The following CACUL1 variants were observed in gnomAD, a reference collection of about 807,000 sequenced individuals.
CACUL1 encodes CDK2-associated and cullin domain-containing protein 1.
CACUL1 carries 13 observed loss-of-function variants against 45.2 expected under a neutral mutation model. That is an observed-to-expected ratio of 0.29 (90% CI 0.19 to 0.46). CACUL1 has a LOEUF of 0.46. CACUL1 is among the 20% of genes least tolerant of loss of function. The probability of loss-of-function intolerance (pLI) is 1.00; values close to 1 mark genes in which losing one functional copy is unlikely to be tolerated. For synonymous variants in CACUL1, 197 were observed against 174.2 expected (o/e 1.13, Z -1.03); for missense variants, 421 against 471.4 (o/e 0.89, Z 0.99).
chr10:118,730,703 T>C (rs1012642160), intron 1 of CACUL1, among the ~76,000 whole-genome samples: 2 of 152,360 alleles, frequency 1.3e-5, no homozygotes, highest in South Asian at 4.1e-4. Flanking sequence ...TGTAAGCTTC[T>C]GTCATTAGTG....
chr10:118,743,218 G>A (rs912313285), intron 1 of CACUL1, among the ~76,000 whole-genome samples: 1 of 151,876 alleles, frequency 6.6e-6, no homozygotes, highest in Non-Finnish European at 1.5e-5. Flanking sequence ...TTAAAAAAAT[G>A]AACAGAACCT....
rs1203223304 is a variant in CACUL1, at chr10:118,684,847, A to G, written c.*1281T>C. 1.3e-5 allele frequency: 2 copies of G among 152,206 alleles called. No individual in the cohort carries two copies. Among genetic ancestry groups the G allele is most frequent in the South Asian group, 2.1e-4 (1 of 4,838 alleles). 9.4% of individuals were successfully genotyped at this position (152,206 alleles called of 1,614,324 possible). A position where few individuals can be genotyped will look rare whatever the true frequency, so the allele number is the denominator to read the frequency against. On this transcript the variant is annotated 3_prime_UTR_variant, in exon 9 of 9. Transcript: ENST00000369151. ...TGCCTAGTAGAGAAGCCTATGCTCA[A>G]TTAAGATTCAAGCAAAATTGAGAAG...
Position 118,754,444 on chromosome 10 carries a change from GGGCGGGGGCCGCCTTGGCCAC to G in CACUL1, c.298_318del (p.Val100_Ala106del). The G allele has an allele frequency of 1.3e-6, 2 of 1,576,940 alleles. No individual in the cohort carries two copies. The highest frequency in any genetic ancestry group is 1.7e-6 in the Non-Finnish European group (2 of 1,161,884). Reference sequence around the variant, plus strand: ...ATGTTGATGGTGGAGCTGGCGGTGGGGGCGGGGGCCGCCTTGGCCACGGCGGCGGCCGCGTCGCAGCTCTTC... The same window carrying G: ...ATGTTGATGGTGGAGCTGGCGGTGGGGGCGGCGGCCGCGTCGCAGCTCTTC... On this transcript the variant is annotated inframe_deletion, in exon 1 of 9. Coordinates refer to ENST00000369151, the MANE Select transcript of CACUL1 (RefSeq NM_153810.5).
At chr10:118,719,827 A>G (rs191571749) in intron 3 of CACUL1, among the ~76,000 whole-genome samples, 125 of 152,142 alleles carry the variant, frequency 8.2e-4, no homozygotes, top group African/African-American at 2.6e-3. Context: ...AAAAAAAAGG[A>G]ATTTCTTTCC....
At chr10:118,716,088 C>T (rs557496981) in intron 3 of CACUL1, among the ~76,000 whole-genome samples, 4 of 151,934 alleles carry the variant, frequency 2.6e-5, no homozygotes, top group South Asian at 2.1e-4. Flanking sequence ...AAAAATTAGC[C>T]GGGCGTGGTG....
intron 6 of CACUL1, chr10:118,693,690 C>G: frequency 2.2e-6 from 1 of 455,404 alleles, no homozygotes; most frequent in Non-Finnish European, 4.4e-6. Context: ...TCATTCATAA[C>G]CTGGTACACA....
chr10:118,752,900 T>C (rs1439284449), intron 1 of CACUL1, among the ~76,000 whole-genome samples: 1 of 152,252 alleles, frequency 6.6e-6, no homozygotes, highest in East Asian at 1.9e-4. Flanking sequence ...TTTAATCTGA[T>C]ATTTGTAGTT....
In CACUL1 at chr10:118,754,654, G is replaced by A; in HGVS notation, c.109C>T (p.Pro37Ser). 6.2e-7 allele frequency: 1 copy of A among 1,606,620 alleles called. No individual in the cohort carries two copies. Among genetic ancestry groups the A allele is most frequent in the South Asian group, 1.1e-5 (1 of 90,652 alleles). The change falls in exon 1 of 9, where the codon CCA (proline) becomes TCA (serine). Residue 37 changes from proline (P) to serine (S), a missense_variant. Transcript: ENST00000369151. ...AAVDGFRQPL[P>S]PPPPPSSIPA... ...ATCGACGAGGGGGGCGGCGGAGGTGGCAGGGGCTGCCGGAAGCCGTCCACC... is the reference window on the plus strand; with the variant it reads ...ATCGACGAGGGGGGCGGCGGAGGTGACAGGGGCTGCCGGAAGCCGTCCACC...
At chr10:118,694,100 G>A (rs550190074) in intron 6 of CACUL1, among the ~76,000 whole-genome samples, 31 of 152,228 alleles carry the variant, frequency 2.0e-4, no homozygotes, top group African/African-American at 6.7e-4. Context: ...TCCTGACCTC[G>A]TGATCTGCCC....
intron 5 of CACUL1, among the ~76,000 whole-genome samples, chr10:118,698,987 A>G (rs913485503): frequency 3.9e-5 from 6 of 152,258 alleles, no homozygotes; most frequent in Non-Finnish European, 5.9e-5. Context: ...TAGCTGTGCT[A>G]TTCTGGTTTA....
intron 1 of CACUL1, among the ~76,000 whole-genome samples, chr10:118,749,155 T>A (rs1845872385): frequency 6.6e-6 from 1 of 152,214 alleles, no homozygotes. Flanking sequence ...GCTGTGGTGG[T>A]TGTCCCTTGT....
intron 3 of CACUL1, among the ~76,000 whole-genome samples, chr10:118,720,327 A>G (rs1845588252): frequency 6.6e-6 from 1 of 152,182 alleles, no homozygotes; most frequent in Non-Finnish European, 1.5e-5. Flanking sequence ...GAAGCCAGAT[A>G]CCCTAGGCTG....
At chr10:118,728,439 G>A (rs1302273452) in intron 3 of CACUL1, among the ~76,000 whole-genome samples, 2 of 151,470 alleles carry the variant, frequency 1.3e-5, no homozygotes, top group Non-Finnish European at 2.9e-5. Context: ...TCAGTCTCCT[G>A]AGTAGCTGGG....
In CACUL1 at chr10:118,695,117, C is replaced by A. The variant is rs556431653; in HGVS notation, c.886+24G>T. On this transcript the variant is annotated intron_variant, in intron 6 of 8. Transcript: ENST00000369151. ...AAGGCTGTAACAAACAGTTCCAATC[C>A]CAACAGAAATGAGAAATGTTTACCT... The A allele has an allele frequency of 2.0e-5, 27 of 1,369,612 alleles. No individual in the cohort carries two copies. The African/African-American group carries it at 2.3e-4, about 12-fold the overall frequency. The allele number at this position is 1,369,612 out of a possible 1,614,324, so 84.8% of individuals were successfully genotyped here.
At chr10:118,699,907 C>T (rs1370102530) in intron 5 of CACUL1, among the ~76,000 whole-genome samples, 1 of 152,106 alleles carries the variant, frequency 6.6e-6, no homozygotes, top group African/African-American at 2.4e-5. Flanking sequence ...CTCAGCCTCC[C>T]AAAGCGCTGG....
chr10:118,736,410 G>T (rs1845741626), intron 1 of CACUL1, among the ~76,000 whole-genome samples: 1 of 151,544 alleles, frequency 6.6e-6, no homozygotes, highest in Non-Finnish European at 1.5e-5. Context: ...TTGAGACAGG[G>T]TCTCTCACTC....
rs1543577 is a variant in CACUL1, at chr10:118,742,305, A to G, written c.368-11895T>C. ...AAGCCAGCTTGCCCTGTCAAGACAT[A>G]CCATAAAAGGATATTAACAATCAAC... On this transcript the variant is annotated intron_variant, in intron 1 of 8. Coordinates refer to ENST00000369151, the MANE Select transcript of CACUL1 (RefSeq NM_153810.5). Among the ~76,000 whole-genome samples the G allele has an allele frequency of 3.7e-3, 568 of 152,358 alleles. 3 individuals carry two copies. The highest frequency in any genetic ancestry group is 0.013 in the African/African-American group (545 of 41,580).
chr10:118,709,245 G>T (rs369869354), intron 3 of CACUL1, among the ~76,000 whole-genome samples: 20 of 152,178 alleles, frequency 1.3e-4, no homozygotes, highest in African/African-American at 4.3e-4. Flanking sequence ...CTGTGTCAGG[G>T]GTGGGAGAAA....
intron 3 of CACUL1, among the ~76,000 whole-genome samples, chr10:118,716,108 T>C (rs1004068393): frequency 6.6e-6 from 1 of 151,812 alleles, no homozygotes; most frequent in Non-Finnish European, 1.5e-5. Flanking sequence ...GGCACGCGCC[T>C]GTAGTCCCAG....
Sources: allele counts gnomAD v4.1 joint callset (sites outside exome capture counted in the v4.1 genomes callset), GRCh38; gene constraint gnomAD v4.1.1; transcripts MANE v1.5; gene names NCBI Gene and HGNC (gene_info 2026-07-23, HGNC 2026-07-21).